The following FAN1 variants were observed in gnomAD, a reference collection of about 807,000 sequenced individuals.
FAN1 encodes the protein FANCD2 and FANCI associated nuclease 1.
A neutral mutation model predicts 104.9 loss-of-function variants in FAN1; 91 were observed. The ratio of observed to expected loss-of-function variants is 0.87; its 90% CI spans 0.73 to 1.03. The LOEUF (loss-of-function observed/expected upper bound fraction) is 1.03. Ranked by LOEUF, FAN1 falls within the 50% of genes least tolerant of loss-of-function variation. The probability of loss-of-function intolerance (pLI) is 0.00; values close to 1 mark genes in which losing one functional copy is unlikely to be tolerated. For synonymous variants in FAN1, 478 were observed against 457.6 expected (o/e 1.04, Z -0.57); for missense variants, 1,263 against 1,239.9 (o/e 1.02, Z -0.28).
At position 30,929,223 on chromosome 15, in the gene FAN1, C is replaced by T. The variant is rs541500747; in HGVS notation, c.2613C>T (p.Cys871=). The T allele has an allele frequency of 2.5e-6, 4 of 1,612,650 alleles. No homozygotes were observed. In the Admixed American group the frequency reaches 6.7e-5, roughly 27 times the overall value. The change falls in exon 12 of 15, where the codon TGC becomes TGT. Residue 871 remains cysteine (C), a synonymous_variant. Transcript: ENST00000362065. ...CACAGGCATTCCCCCTGGACTTGTGCACAGACAGCTTCTTCACAAGCAGAC... is the reference window on the plus strand; with the variant it reads ...CACAGGCATTCCCCCTGGACTTGTGTACAGACAGCTTCTTCACAAGCAGAC... ...NACQAFPLDL[C]TDSFFTSRRP...
At chr15:30,941,269 G>C in intron 14 of FAN1, 1 of 1,482,722 alleles carries the variant, frequency 6.7e-7, no homozygotes, top group Non-Finnish European at 9.0e-7. Context: ...ATGACAGAAA[G>C]AGGACAGGAA....
At chr15:30,909,575 C>G (rs1187530131) in intron 3 of FAN1, among the ~76,000 whole-genome samples, 2 of 152,350 alleles carry the variant, frequency 1.3e-5, no homozygotes, top group East Asian at 3.9e-4. Context: ...AAATGAGCAA[C>G]AAAACCAGGA....
Position 30,941,750 on chromosome 15 carries a change from A to T in FAN1, c.*188A>T. On this transcript the variant is annotated 3_prime_UTR_variant, in exon 15 of 15. Coordinates refer to ENST00000362065, the MANE Select transcript of FAN1 (RefSeq NM_014967.5). ...GCTCAGTACGTCGACTTCATCAGCC[A>T]GGAGGGAGAGCTTGTGAAAGGCTGT... 1 of 1,613,996 alleles carries T rather than the reference A, an allele frequency of 6.2e-7. No homozygotes were observed. The highest frequency in any genetic ancestry group is 8.5e-7 in the Non-Finnish European group (1 of 1,179,884).
chr15:30,905,967 A>T (rs2061970044), intron 2 of FAN1, 70 bp downstream of exon 2: 1 of 1,414,558 alleles, frequency 7.1e-7, no homozygotes, highest in East Asian at 2.3e-5. Context: ...GCATGATGTG[A>T]TGGGCAGTAA....
intron 13 of FAN1, among the ~76,000 whole-genome samples, chr15:30,936,124 CTG>C (rs66470854): frequency 0.41 from 62,457 of 151,618 alleles, 14,166 homozygotes; most frequent in East Asian, 0.85. Context: ...GTTTTTATTG[CTG>C]TGTCTTCAAG....
At position 30,910,780 on chromosome 15, in the gene FAN1, G is replaced by C; in HGVS notation, c.1542G>C (p.Lys514Asn). The stretch of plus-strand genomic sequence containing the variant: ...AGCGTTCAGTCTGCACTTGGGGCAA[G>C]AATAAGCCTGGAATTGGTGCAGTGA... ...AKQRSVCTWG[K>N]NKPGIGAVIL... Residue 514 changes from lysine (K) to asparagine (N), a missense_variant, in exon 4 of 15, where the codon AAG (lysine) becomes AAC (asparagine). Coordinates refer to ENST00000362065, the MANE Select transcript of FAN1 (RefSeq NM_014967.5). 2.5e-6 allele frequency: 4 copies of C among 1,614,086 alleles called. No homozygotes were observed. The highest frequency in any genetic ancestry group is 3.4e-6 in the Non-Finnish European group (4 of 1,180,020).
chr15:30,908,124 G>A lies in FAN1; in HGVS notation c.1241G>A (p.Gly414Asp). Residue 414 changes from glycine to aspartate, a missense_variant, in exon 3 of 15, where the codon GGT (glycine) becomes GAT (aspartate). By Grantham distance (94) the Gly-to-Asp change is moderately conservative. Transcript: ENST00000362065. ...TTTCTTAACTTTATTGCAGCTACTG[G>A]TCAGAAGTTATATGTAAGGCTCTTT... The part of the protein sequence containing the change: ...VTKFYQLSAT[G>D]QKLYVRLFQR... 3.1e-6 allele frequency: 5 copies of A among 1,603,824 alleles called. No homozygotes were observed. Among genetic ancestry groups the A allele is most frequent in the Non-Finnish European group, 4.2e-6 (5 of 1,176,612 alleles).
At chr15:30,939,114 C>G in intron 14 of FAN1, 1 of 985,444 alleles carries the variant, frequency 1.0e-6, no homozygotes, top group Non-Finnish European at 1.2e-6. Context: ...GAGGTTACTA[C>G]TGCAGCAAGC....
At chr15:30,937,447 CTTTT>C (rs11317050) in intron 14 of FAN1, among the ~76,000 whole-genome samples, 188 bp downstream of exon 14, 2 of 78,966 alleles carry the variant, frequency 2.5e-5, no homozygotes, top group African/African-American at 1.0e-4. Context: ...GGGTAATAAA[CTTTT>C]TTTTTTTTTT....
chr15:30,912,061 C>CAA (rs34122129), intron 4 of FAN1, among the ~76,000 whole-genome samples: 5 of 133,656 alleles, frequency 3.7e-5, no homozygotes, highest in African/African-American at 5.5e-5. Context: ...GACTCCATCT[C>CAA]AAAAAAAAAA....
chr15:30,907,831 G>A (rs953112483), intron 2 of FAN1, among the ~76,000 whole-genome samples: 1 of 152,124 alleles, frequency 6.6e-6, no homozygotes, highest in African/African-American at 2.4e-5. Flanking sequence ...TCAGAATAAT[G>A]CATATTAAGC....
intron 14 of FAN1, 35 bp from the exon 15 acceptor site, chr15:30,941,530 GC>G: frequency 6.2e-7 from 1 of 1,610,030 alleles, no homozygotes; most frequent in Non-Finnish European, 8.5e-7. Flanking sequence ...TTAAAAATTT[GC>G]TTAATGGTGT....
chr15:30,925,000 T>G (rs1295726627), intron 8 of FAN1, 127 bp from the exon 9 acceptor site: 3 of 903,060 alleles, frequency 3.3e-6, no homozygotes, highest in Non-Finnish European at 5.0e-6. Context: ...TCTCTAGAAG[T>G]GCTGTTTGCT....
chr15:30,916,380 T>A (rs1389948847), intron 5 of FAN1, among the ~76,000 whole-genome samples: 2 of 152,202 alleles, frequency 1.3e-5, no homozygotes, highest in African/African-American at 4.8e-5. Flanking sequence ...CTATGGGGAA[T>A]GCCTACTACA....
chr15:30,939,585 T>TTTTAACCATTATTATA, intron 14 of FAN1: 1 of 949,614 alleles, frequency 1.1e-6, no homozygotes, highest in South Asian at 4.9e-5. Flanking sequence ...ATTTTTCTAT[T>TTTTAACCATTATTATA]TTTAACCATT....
Position 30,942,000 on chromosome 15 carries a change from G to GTAA in FAN1, c.*440_*442dup. On this transcript the variant is annotated 3_prime_UTR_variant, in exon 15 of 15. Transcript: ENST00000362065. ...AATATCAATGAATTTCTCCTTGGAA[G>GTAA]TAATTCTTGGTCACTGATGATTCCA... is the stretch of plus-strand genomic sequence containing the variant. 6.2e-7 allele frequency: 1 copy of GTAA among 1,614,016 alleles called. No homozygotes were observed.
intron 10 of FAN1, chr15:30,927,734 T>G (rs987258289): frequency 1.0e-6 from 1 of 985,534 alleles, no homozygotes. Context: ...TGTGGCCTCC[T>G]CCTCTGTCGG....
chr15:30,924,201 A>G (rs1188533486), intron 8 of FAN1, among the ~76,000 whole-genome samples: 1 of 152,144 alleles, frequency 6.6e-6, no homozygotes, highest in Non-Finnish European at 1.5e-5. Flanking sequence ...CAGGCTGAAC[A>G]CACTTCCACT....
chr15:30,907,543 CAAAAAAACAACCA>C (rs1454270532), intron 2 of FAN1, among the ~76,000 whole-genome samples: 124 of 151,652 alleles, frequency 8.2e-4, no homozygotes, highest in African/African-American at 2.9e-3. Flanking sequence ...AAAAACAAAA[CAAAAAAACAACCA>C]AAAAAAACAA....
Sources: gnomAD v4.1 joint callset for allele counts (sites outside exome capture counted in the v4.1 genomes callset) on GRCh38, gnomAD v4.1.1 for gene constraint, MANE v1.5 for transcripts, NCBI Gene and HGNC (gene_info 2026-07-23, HGNC 2026-07-21) for gene names.